Variants in CLVS1 observed in about 807,000 individuals in gnomAD.
CLVS1 encodes the protein clavesin-1.
Under a neutral mutation model 33.1 loss-of-function variants are expected in CLVS1, and 10 were observed. That is an observed-to-expected ratio of 0.30 (90% CI 0.19 to 0.51). The LOEUF is 0.51. Ranked by LOEUF, CLVS1 falls within the 20% of genes least tolerant of loss-of-function variation. The probability of loss-of-function intolerance (pLI) is 0.97; values close to 1 mark genes in which losing one functional copy is unlikely to be tolerated. For missense variants in CLVS1, 343 were observed against 433.4 expected, an observed-to-expected ratio of 0.79 and a Z score of 1.85; for synonymous variants, 163 against 166.1, an observed-to-expected ratio of 0.98 and a Z score of 0.14.
At chr8:61,393,538 C>T (rs1181695356) in intron 3 of CLVS1, among the ~76,000 whole-genome samples, 4 of 152,156 alleles carry the variant, frequency 2.6e-5, no homozygotes, top group Non-Finnish European at 5.9e-5. Flanking sequence ...TAGACTGTTT[C>T]AGTGGAAAGA....
intron 3 of CLVS1, among the ~76,000 whole-genome samples, chr8:61,425,067 A>T (rs1815830473): frequency 6.6e-6 from 1 of 152,188 alleles, no homozygotes; most frequent in East Asian, 1.9e-4. Context: ...AATCTGCAAC[A>T]CTTCAGGTCC....
intron 2 of CLVS1, among the ~76,000 whole-genome samples, chr8:61,145,434 C>G (rs986908153): frequency 4.6e-5 from 7 of 152,172 alleles, no homozygotes; most frequent in Admixed American, 4.6e-4. Context: ...AAAGGTGACT[C>G]TTCAAATATG....
chr8:61,059,849 C>A (rs1311135015), intron 1 of CLVS1, among the ~76,000 whole-genome samples: 1 of 151,996 alleles, frequency 6.6e-6, no homozygotes, highest in African/African-American at 2.4e-5. Context: ...ATTCTGCAGC[C>A]TCCCTTGCCA....
intron 5 of CLVS1, among the ~76,000 whole-genome samples, chr8:61,475,731 T>C (rs1443156571): frequency 1.3e-5 from 2 of 152,264 alleles, no homozygotes; most frequent in Admixed American, 6.5e-5. Flanking sequence ...AAAACTTTTC[T>C]CCCATTCTGT....
the CLVS1 span, among the ~76,000 whole-genome samples, chr8:60,993,248 G>C: frequency 2.0e-5 from 3 of 152,216 alleles, no homozygotes; most frequent in African/African-American, 7.2e-5. Flanking sequence ...GAACTGTGAA[G>C]AGAGACTTTC....
intron 2 of CLVS1, among the ~76,000 whole-genome samples, chr8:61,305,243 A>G (rs1474145455): frequency 3.3e-5 from 5 of 151,956 alleles, no homozygotes; most frequent in African/African-American, 7.3e-5. Flanking sequence ...ATATATATAT[A>G]TAATTTAATA....
chr8:61,014,122 C>T, the CLVS1 span, among the ~76,000 whole-genome samples: 12 of 135,106 alleles, frequency 8.9e-5, no homozygotes, highest in Admixed American at 4.8e-4. Context: ...GTAAAGGTGG[C>T]GTGGTCTCTT....
intron 2 of CLVS1, among the ~76,000 whole-genome samples, chr8:61,330,707 T>C (rs1811561326): frequency 6.6e-6 from 1 of 152,198 alleles, no homozygotes; most frequent in African/African-American, 2.4e-5. Flanking sequence ...TTGATTTGTT[T>C]CTCCTCTGTG....
At chr8:61,296,918 AAGAG>A (rs1345370349) in intron 1 of CLVS1, among the ~76,000 whole-genome samples, 2 of 152,158 alleles carry the variant, frequency 1.3e-5, no homozygotes, top group Non-Finnish European at 1.5e-5. Context: ...GTTCTGGATA[AAGAG>A]AGAGAAAGGA....
At chr8:61,200,681 T>C (rs1023396309) in intron 2 of CLVS1, among the ~76,000 whole-genome samples, 13 of 152,232 alleles carry the variant, frequency 8.5e-5, no homozygotes, top group African/African-American at 2.4e-4. Flanking sequence ...TTCAGAAAGA[T>C]TTACCAATTT....
chr8:61,130,477 T>C (rs1215928925), intron 1 of CLVS1, among the ~76,000 whole-genome samples: 1 of 152,276 alleles, frequency 6.6e-6, no homozygotes, highest in East Asian at 1.9e-4. Context: ...TTAGTTCACC[T>C]ATCTGTCATC....
chr8:61,231,890 T>G lies in CLVS1; in HGVS notation c.-151-67787T>G, dbSNP rs575311568. Among the ~76,000 whole-genome samples, 11 of 151,666 alleles carry G rather than the reference T, an allele frequency of 7.3e-5. No individual in the cohort carries two copies. In the South Asian group the frequency reaches 2.3e-3, roughly 32 times the overall value. ...TTACCCATGCTACACAATGCAGGAGTGGGGGGCAAGGGTGGATGTTGGGGA... is the reference window on the plus strand; with the variant it reads ...TTACCCATGCTACACAATGCAGGAGGGGGGGGCAAGGGTGGATGTTGGGGA... On this transcript the variant is annotated intron_variant, in intron 2 of 2. Transcript: ENST00000522621.
intron 1 of CLVS1, among the ~76,000 whole-genome samples, chr8:61,120,857 C>T (rs912864968): frequency 6.8e-6 from 1 of 147,914 alleles, no homozygotes; most frequent in South Asian, 2.2e-4. Flanking sequence ...AGAGGTGGAG[C>T]CTACAGAGGC....
At chr8:61,159,060 T>C (rs1409183676) in intron 2 of CLVS1, among the ~76,000 whole-genome samples, 1 of 152,074 alleles carries the variant, frequency 6.6e-6, no homozygotes, top group African/African-American at 2.4e-5. Flanking sequence ...TTGGTAGAGA[T>C]GGGGGTGTCA....
At chr8:61,475,042 C>A (rs1012431842) in intron 5 of CLVS1, among the ~76,000 whole-genome samples, 1 of 152,060 alleles carries the variant, frequency 6.6e-6, no homozygotes, top group Non-Finnish European at 1.5e-5. Context: ...TGAGAACATG[C>A]AGGGTTTGGT....
intron 2 of CLVS1, among the ~76,000 whole-genome samples, chr8:61,304,264 A>G (rs1163494398): frequency 6.6e-6 from 1 of 152,260 alleles, no homozygotes; most frequent in Non-Finnish European, 1.5e-5. Context: ...AAAAGCTCAG[A>G]ACAGTGAGCA....
intron 2 of CLVS1, among the ~76,000 whole-genome samples, chr8:61,167,897 A>AG (rs57137674): frequency 3.3e-5 from 5 of 152,202 alleles, no homozygotes; most frequent in Admixed American, 1.3e-4. Context: ...TAGTCTAAAA[A>AG]GGGGAGACAT....
intron 2 of CLVS1, chr8:61,202,233 C>T (rs1326402226): frequency 2.0e-4 from 98 of 493,044 alleles, no homozygotes; most frequent in Non-Finnish European, 1.2e-4. Context: ...TTTATCATGG[C>T]TAGCAGATAT....
chr8:61,225,083 G>A (rs1037898807), intron 2 of CLVS1, among the ~76,000 whole-genome samples: 2 of 152,198 alleles, frequency 1.3e-5, no homozygotes, highest in African/African-American at 4.8e-5. Context: ...TTGGGAGGCT[G>A]AGGCGGGTGG....
Sources: allele counts gnomAD v4.1 joint callset (sites outside exome capture counted in the v4.1 genomes callset), GRCh38; gene constraint gnomAD v4.1.1; transcripts MANE v1.5; gene names NCBI Gene and HGNC (gene_info 2026-07-23, HGNC 2026-07-21).